The following EGLN1 variants were observed in gnomAD, a reference collection of about 807,000 sequenced individuals.
EGLN1 encodes egl nine homolog 1.
EGLN1 carries 17 observed loss-of-function variants against 38.3 expected under a neutral mutation model. That is an observed-to-expected ratio of 0.44 (90% CI 0.30 to 0.67). EGLN1 has a LOEUF of 0.67. Ranked by LOEUF, EGLN1 falls within the 30% of genes least tolerant of loss-of-function variation. The pLI, the probability that EGLN1 is intolerant of heterozygous loss-of-function variation, is 0.08. For missense variants in EGLN1, 477 were observed against 603.3 expected, an observed-to-expected ratio of 0.79 and a Z score of 2.19; for synonymous variants, 283 against 257.5, an observed-to-expected ratio of 1.10 and a Z score of -0.95.
chr1:231,409,744 C>CTAATTG (rs1301112350), intron 1 of EGLN1, among the ~76,000 whole-genome samples: 2 of 152,172 alleles, frequency 1.3e-5, no homozygotes, highest in Non-Finnish European at 2.9e-5. Context: ...TTATTTGTTA[C>CTAATTG]AGTTACAGCT....
intron 1 of EGLN1, among the ~76,000 whole-genome samples, chr1:231,396,062 G>C (rs1221335080): frequency 3.5e-5 from 5 of 144,654 alleles, no homozygotes; most frequent in African/African-American, 1.3e-4. Context: ...GGCAATAAAT[G>C]TCTTTTAGTT....
chr1:231,394,401 C>T (rs1349997169), intron 1 of EGLN1, among the ~76,000 whole-genome samples: 6 of 135,324 alleles, frequency 4.4e-5, no homozygotes, highest in South Asian at 2.3e-4. Flanking sequence ...TTTTTTGAGA[C>T]GGAGTCTCGC....
chr1:231,400,077 A>T (rs1312376407), intron 1 of EGLN1, among the ~76,000 whole-genome samples: 2 of 152,126 alleles, frequency 1.3e-5, no homozygotes, highest in Admixed American at 1.3e-4. Flanking sequence ...AATATAAACC[A>T]ATTTGGGGTA....
chr1:231,375,851 T>C (rs559461148), intron 1 of EGLN1, among the ~76,000 whole-genome samples: 1 of 152,306 alleles, frequency 6.6e-6, no homozygotes, highest in South Asian at 2.1e-4. Context: ...ACTGAAGTAA[T>C]TATGATGAAT....
chr1:231,384,405 GAA>G (rs34736172), intron 1 of EGLN1, among the ~76,000 whole-genome samples: 2 of 145,162 alleles, frequency 1.4e-5, no homozygotes, highest in Admixed American at 1.4e-4. Context: ...GCATTACGAA[GAA>G]AAAAAAAAAC....
At chr1:231,403,041 T>G (rs970277469) in intron 1 of EGLN1, among the ~76,000 whole-genome samples, 1 of 152,114 alleles carries the variant, frequency 6.6e-6, no homozygotes, top group Non-Finnish European at 1.5e-5. Flanking sequence ...TTTCCACATA[T>G]GAGATTTTCA....
chr1:231,374,259 T>C (rs1687901055), intron 1 of EGLN1, among the ~76,000 whole-genome samples, 160 bp from the exon 2 acceptor site: 1 of 152,222 alleles, frequency 6.6e-6, no homozygotes, highest in South Asian at 2.1e-4. Flanking sequence ...TACATTAACA[T>C]TTATAGGGAA....
intron 1 of EGLN1, among the ~76,000 whole-genome samples, chr1:231,396,534 G>A (rs1688535615): frequency 6.6e-6 from 1 of 152,114 alleles, no homozygotes; most frequent in Non-Finnish European, 1.5e-5. Context: ...TTACAGGTGT[G>A]AGCCACCGAG....
In EGLN1 at chr1:231,364,602, A is replaced by T. The variant is rs1458152328; in HGVS notation, c.*1809T>A. 4.0e-5 allele frequency: 4 copies of T among 99,884 alleles called. No homozygotes were observed. Among genetic ancestry groups the T allele is most frequent in the African/African-American group, 1.2e-4 (4 of 33,768 alleles). The allele number at this position is 99,884 out of a possible 1,614,324, so 6.2% of individuals were successfully genotyped here. ...TCCTAAGTCCACTGTTGGCTTCACT[A>T]CACAATTTTTTTCCATGTTTTACAT... On this transcript the variant is annotated 3_prime_UTR_variant, in exon 5 of 5. Coordinates refer to ENST00000366641, the MANE Select transcript of EGLN1 (RefSeq NM_022051.3).
intron 1 of EGLN1, among the ~76,000 whole-genome samples, chr1:231,406,057 T>G (rs1688783631): frequency 8.4e-6 from 1 of 119,004 alleles, no homozygotes; most frequent in Non-Finnish European, 1.7e-5. Context: ...TTAATTCAGG[T>G]AGGCTGAGGC....
Position 231,365,004 on chromosome 1 carries a change from T to C in EGLN1, c.*1407A>G, listed in dbSNP as rs1241584573. On this transcript the variant is annotated 3_prime_UTR_variant, in exon 5 of 5. Transcript: ENST00000366641. ...AAACCCATGAAACAAAATAAAATTA[T>C]CTGATTTTGCATCTGTTTTGTTTTT... is the stretch of plus-strand genomic sequence containing the variant. 2 of 152,252 alleles carry C rather than the reference T, an allele frequency of 1.3e-5. No homozygotes were observed. Among genetic ancestry groups the C allele is most frequent in the Non-Finnish European group, 2.9e-5 (2 of 68,046 alleles). 9.4% of individuals were successfully genotyped at this position (152,252 alleles called of 1,614,324 possible).
intron 1 of EGLN1, among the ~76,000 whole-genome samples, chr1:231,391,112 G>T (rs1394153263): frequency 6.6e-5 from 10 of 151,040 alleles, no homozygotes; most frequent in African/African-American, 2.5e-4. Flanking sequence ...GTGTGTGTGT[G>T]TGTGTGTGTG....
At chr1:231,418,731 T>TCCAA (rs1656428276) in intron 1 of EGLN1, among the ~76,000 whole-genome samples, 2 of 151,844 alleles carry the variant, frequency 1.3e-5, no homozygotes, top group African/African-American at 2.4e-5. Flanking sequence ...AGTATGGTGG[T>TCCAA]GTGTGCCTAC....
At chr1:231,406,496 G>C (rs1688799609) in intron 1 of EGLN1, among the ~76,000 whole-genome samples, 1 of 151,946 alleles carries the variant, frequency 6.6e-6, no homozygotes, top group Non-Finnish European at 1.5e-5. Context: ...TCTATAGCCA[G>C]ACTGTATAAG....
At chr1:231,403,731 G>A (rs986657778) in intron 1 of EGLN1, among the ~76,000 whole-genome samples, 1 of 123,430 alleles carries the variant, frequency 8.1e-6, no homozygotes, top group African/African-American at 3.3e-5. Flanking sequence ...GTGAGCCACT[G>A]CACTCCAGCA....
At chr1:231,405,238 T>C (rs941892489) in intron 1 of EGLN1, among the ~76,000 whole-genome samples, 2 of 152,170 alleles carry the variant, frequency 1.3e-5, no homozygotes, top group South Asian at 4.1e-4. Context: ...GGTGGCGCTA[T>C]CTGGCCTCAC....
At position 231,414,489 on chromosome 1, in the gene EGLN1, A is replaced by G. The variant is rs575250776; in HGVS notation, c.891+6509T>C. Among the ~76,000 whole-genome samples, 3 of 152,338 alleles carry G rather than the reference A, an allele frequency of 2.0e-5. No homozygotes were observed. The East Asian group carries it at 5.8e-4, about 29-fold the overall frequency. On this transcript the variant is annotated intron_variant, in intron 1 of 4. Coordinates refer to ENST00000366641, the MANE Select transcript of EGLN1 (RefSeq NM_022051.3). Reference sequence around the variant, plus strand: ...AACACAGAGTGGGAAGACAGCTCCTACTAAAGAAACAAGAGAGGGTAGGCC... The same window carrying G: ...AACACAGAGTGGGAAGACAGCTCCTGCTAAAGAAACAAGAGAGGGTAGGCC...
intron 1 of EGLN1, among the ~76,000 whole-genome samples, chr1:231,379,231 C>A (rs189548434): frequency 6.6e-6 from 1 of 152,318 alleles, no homozygotes; most frequent in South Asian, 2.1e-4. Flanking sequence ...AATCCAGACT[C>A]GTAAGCGGCC....
In EGLN1 at chr1:231,421,394, T is replaced by TG; in HGVS notation, c.494dup (p.Ser166LysfsTer81). On this transcript the variant is annotated frameshift_variant, in exon 1 of 5. Coordinates refer to ENST00000366641, the MANE Select transcript of EGLN1 (RefSeq NM_022051.3). LOFTEE classifies it high-confidence loss of function. This position sits in a 1 kb window ranked among gnomAD's most constrained non-coding sequence, Gnocchi z 5.5. ...TCAGCGCATCCCCGGGCGTGTTGCT[T>TG]GGGGGGTACAGGTTCGCCTTCTCCT... The TG allele has an allele frequency of 6.2e-7, 1 of 1,604,380 alleles. No individual in the cohort carries two copies.
Sources: allele counts gnomAD v4.1 joint callset (sites outside exome capture counted in the v4.1 genomes callset), GRCh38; gene constraint gnomAD v4.1.1; non-coding constraint Gnocchi (gnomAD v3.1); transcripts MANE v1.5; gene names NCBI Gene and HGNC (gene_info 2026-07-23, HGNC 2026-07-21).